Variants in ZNF804A observed in about 807,000 individuals in gnomAD.
The protein encoded by ZNF804A is zinc finger protein 804A.
In ZNF804A, 2 loss-of-function variants were observed where a neutral mutation model predicts 16.5. That is an observed-to-expected ratio of 0.12 (90% confidence interval 0.05 to 0.38). The LOEUF (loss-of-function observed/expected upper bound fraction) is 0.38, where lower values mean the gene tolerates loss of function less well. Ranked by LOEUF, ZNF804A falls within the 10% of genes least tolerant of loss-of-function variation. The probability of loss-of-function intolerance (pLI) is 0.99; values close to 1 mark genes in which losing one functional copy is unlikely to be tolerated. For missense variants in ZNF804A, 1,473 were observed against 1,390.7 expected (o/e 1.06, Z -0.94); for synonymous variants, 534 against 489.6 (o/e 1.09, Z -1.20).
intron 2 of ZNF804A, among the ~76,000 whole-genome samples, chr2:184,919,110 G>A (rs1246258830): frequency 6.6e-6 from 1 of 152,152 alleles, no homozygotes; most frequent in Non-Finnish European, 1.5e-5. Context: ...GAAATGCTGT[G>A]TGTGGAATAT....
At chr2:184,879,153 G>A (rs1684766689) in intron 2 of ZNF804A, among the ~76,000 whole-genome samples, 1 of 151,190 alleles carries the variant, frequency 6.6e-6, no homozygotes, top group Non-Finnish European at 1.5e-5. Flanking sequence ...GTGTGTGAGA[G>A]AGAGAGAGAA....
chr2:184,845,525 G>C lies in ZNF804A; in HGVS notation c.112-20844G>C, dbSNP rs983455301. Among the ~76,000 whole-genome samples the C allele has an allele frequency of 1.3e-5, 2 of 152,036 alleles. 1 individual carries two copies. Among genetic ancestry groups the C allele is most frequent in the South Asian group, 4.1e-4 (2 of 4,828 alleles). On this transcript the variant is annotated intron_variant, in intron 1 of 3. Transcript: ENST00000302277. ...ATGTTGCCCACACTTCCCCAACTTGGGTGAGACAGAAAGGCTATGGGGTCT... is the reference window on the plus strand; with the variant it reads ...ATGTTGCCCACACTTCCCCAACTTGCGTGAGACAGAAAGGCTATGGGGTCT...
At position 184,682,644 on chromosome 2, in the gene ZNF804A, A is replaced by AATTATTT. The variant is rs1174230992; in HGVS notation, c.111+83576_111+83582dup. Among the ~76,000 whole-genome samples the AATTATTT allele has an allele frequency of 9.2e-5, 14 of 152,316 alleles. 1 individual carries two copies. The highest frequency in any genetic ancestry group is 4.6e-4 in the Admixed American group (7 of 15,298). On this transcript the variant is annotated intron_variant, in intron 1 of 3. Coordinates refer to ENST00000302277, the MANE Select transcript of ZNF804A (RefSeq NM_194250.2). ...ACAGATGGGAAAAACAAACAAAATG[A>AATTATTT]ATTATTTAACTCTGTCATTCGATAT...
At chr2:184,634,315 A>T (rs1691659346) in intron 1 of ZNF804A, among the ~76,000 whole-genome samples, 1 of 152,182 alleles carries the variant, frequency 6.6e-6, no homozygotes, top group Non-Finnish European at 1.5e-5. Flanking sequence ...CAAATACTTA[A>T]CCTGTGTAGT....
At chr2:184,784,953 G>A (rs1169822511) in intron 1 of ZNF804A, among the ~76,000 whole-genome samples, 1 of 151,942 alleles carries the variant, frequency 6.6e-6, no homozygotes, top group Admixed American at 6.6e-5. Flanking sequence ...TCGCTTGAGA[G>A]ACAAGCTTCC....
At chr2:184,903,301 G>A (rs566736617) in intron 2 of ZNF804A, among the ~76,000 whole-genome samples, 1 of 152,024 alleles carries the variant, frequency 6.6e-6, no homozygotes. Context: ...CACATATATA[G>A]CAATGACCCC....
At chr2:184,613,125 G>A (rs1169070722) in intron 1 of ZNF804A, among the ~76,000 whole-genome samples, 2 of 152,212 alleles carry the variant, frequency 1.3e-5, no homozygotes, top group African/African-American at 2.4e-5. Context: ...ATTCTATGAA[G>A]TATAGAAACT....
chr2:184,931,296 G>A (rs1000315252), intron 2 of ZNF804A, among the ~76,000 whole-genome samples: 1 of 152,196 alleles, frequency 6.6e-6, no homozygotes, highest in Non-Finnish European at 1.5e-5. Context: ...TTTCCCTTCT[G>A]CACGGCCCTA....
intron 1 of ZNF804A, among the ~76,000 whole-genome samples, chr2:184,666,184 G>A (rs1692251189): frequency 6.6e-6 from 1 of 152,000 alleles, no homozygotes; most frequent in South Asian, 2.1e-4. Context: ...GCAAATACAT[G>A]TAGAGCAATT....
rs572512224 is a variant in ZNF804A at position 184,768,747 on chromosome 2, A to G, written c.112-97622A>G. 1.0e-3 allele frequency among the ~76,000 whole-genome samples: 159 copies of G among 152,210 alleles called. 1 individual carries two copies. Among genetic ancestry groups the G allele is most frequent in the Non-Finnish European group, 1.9e-3 (130 of 67,974 alleles). Reference sequence around the variant, plus strand: ...TCATGTCTTATAAAACCAAAATACTATAATTTTGGACCTTTGTTAAATTCA... The same window carrying G: ...TCATGTCTTATAAAACCAAAATACTGTAATTTTGGACCTTTGTTAAATTCA... On this transcript the variant is annotated intron_variant, in intron 1 of 3. Coordinates refer to ENST00000302277, the MANE Select transcript of ZNF804A (RefSeq NM_194250.2).
chr2:184,638,346 C>T (rs1691736116), intron 1 of ZNF804A, among the ~76,000 whole-genome samples: 1 of 152,144 alleles, frequency 6.6e-6, no homozygotes, highest in South Asian at 2.1e-4. Flanking sequence ...AAGATTGCAT[C>T]GAGGTTCATT....
intron 2 of ZNF804A, 87 bp downstream of exon 2, chr2:184,866,599 T>A: frequency 1.8e-6 from 2 of 1,104,322 alleles, no homozygotes; most frequent in Non-Finnish European, 2.5e-6. Context: ...TGATATGATA[T>A]TCTTATTTAA....
At chr2:184,866,554 G>A (rs1312411113) in intron 2 of ZNF804A, 42 bp downstream of exon 2, 14 of 1,561,192 alleles carry the variant, frequency 9.0e-6, no homozygotes, top group African/African-American at 2.8e-5. Context: ...TTCTGGACTT[G>A]TGTAATAGTT....
chr2:184,904,645 A>T (rs1269920149), intron 2 of ZNF804A, among the ~76,000 whole-genome samples: 4 of 152,090 alleles, frequency 2.6e-5, no homozygotes, highest in Non-Finnish European at 5.9e-5. Flanking sequence ...AAAGAAGGGT[A>T]AAATTAAGTC....
In ZNF804A at chr2:184,709,338, A is replaced by C. The variant is rs1201103141; in HGVS notation, c.111+110268A>C. Among the ~76,000 whole-genome samples the C allele has an allele frequency of 2.6e-5, 4 of 152,080 alleles. No homozygotes were observed. The East Asian group carries it at 7.7e-4, about 29-fold the overall frequency. ...GTCATGTAGATATGAATCAGATATG[A>C]AGTAATATTGAAAATATATTTGAAT... On this transcript the variant is annotated intron_variant, in intron 1 of 3. Coordinates refer to ENST00000302277, the MANE Select transcript of ZNF804A (RefSeq NM_194250.2).
At chr2:184,768,208 G>A (rs902780287) in intron 1 of ZNF804A, among the ~76,000 whole-genome samples, 1 of 152,044 alleles carries the variant, frequency 6.6e-6, no homozygotes, top group East Asian at 1.9e-4. Flanking sequence ...GTAATCTACA[G>A]ATACTGAAAG....
chr2:184,708,475 G>A (rs1007525692), intron 1 of ZNF804A, among the ~76,000 whole-genome samples: 5 of 152,038 alleles, frequency 3.3e-5, no homozygotes, highest in African/African-American at 1.2e-4. Context: ...ACAGAATAGG[G>A]AGCCCAGAAA....
intron 2 of ZNF804A, among the ~76,000 whole-genome samples, chr2:184,911,848 C>T (rs1287051709): frequency 6.6e-6 from 1 of 151,214 alleles, no homozygotes; most frequent in African/African-American, 2.4e-5. Flanking sequence ...TTCTTTCTCC[C>T]TTTCTTTTTT....
intron 2 of ZNF804A, among the ~76,000 whole-genome samples, chr2:184,894,439 AT>A (rs1338716045): frequency 5.9e-5 from 9 of 151,956 alleles, no homozygotes; most frequent in African/African-American, 1.4e-4. Flanking sequence ...ACTATTAAAA[AT>A]TTTTTTATTA....
Sources: allele counts gnomAD v4.1 joint callset (sites outside exome capture counted in the v4.1 genomes callset), GRCh38; gene constraint gnomAD v4.1.1; transcripts MANE v1.5; gene names NCBI Gene and HGNC (gene_info 2026-07-23, HGNC 2026-07-21).